Variants in DOCK2 observed in about 807,000 individuals in gnomAD.
The protein encoded by DOCK2 is dedicator of cytokinesis protein 2.
A neutral mutation model predicts 248.9 loss-of-function variants in DOCK2; 87 were observed. That is an observed-to-expected ratio of 0.35 (90% confidence interval 0.29 to 0.42). DOCK2 has a LOEUF of 0.42. DOCK2 is among the 10% of genes least tolerant of loss of function. The pLI, the probability that DOCK2 is intolerant of heterozygous loss-of-function variation, is 1.00. For synonymous variants in DOCK2, 805 were observed against 821.6 expected, an observed-to-expected ratio of 0.98 and a Z score of 0.35; for missense variants, 1,747 against 2,300.2, an observed-to-expected ratio of 0.76 and a Z score of 4.92.
At chr5:170,022,800 C>T (rs1322194064) in intron 33 of DOCK2, among the ~76,000 whole-genome samples, 2 of 152,156 alleles carry the variant, frequency 1.3e-5, no homozygotes, top group Non-Finnish European at 2.9e-5. Context: ...GTCCTGAACT[C>T]CCAGTCCCTG....
intron 25 of DOCK2, among the ~76,000 whole-genome samples, chr5:169,768,262 AG>A (rs1399946252): frequency 6.6e-6 from 1 of 152,252 alleles, no homozygotes; most frequent in Non-Finnish European, 1.5e-5. Flanking sequence ...ATGTAAACGA[AG>A]CACACGCACA....
At chr5:169,960,274 G>T (rs1045250053) in intron 27 of DOCK2, among the ~76,000 whole-genome samples, 1 of 152,198 alleles carries the variant, frequency 6.6e-6, no homozygotes, top group Non-Finnish European at 1.5e-5. Flanking sequence ...CTGTACATGG[G>T]TATCTTTGTT....
In DOCK2 at chr5:169,935,779, C is replaced by T. The variant is rs554247269; in HGVS notation, c.2800-47289C>T. 1.4e-4 allele frequency among the ~76,000 whole-genome samples: 22 copies of T among 152,112 alleles called. No individual in the cohort carries two copies. The South Asian group carries it at 1.7e-3, about 11-fold the overall frequency. On this transcript the variant is annotated intron_variant, in intron 27 of 51. Transcript: ENST00000520908. ...CACTGACTTCATAGGAGAAAAAACG[C>T]GTTGTGTAAAAATATAAAAAATCAG...
chr5:169,829,594 C>A (rs893911644), intron 26 of DOCK2, among the ~76,000 whole-genome samples: 1 of 152,204 alleles, frequency 6.6e-6, no homozygotes, highest in Non-Finnish European at 1.5e-5. Flanking sequence ...CGTGTAGGTA[C>A]AGAACCCAGG....
chr5:169,730,747 G>A (rs1762725999), intron 22 of DOCK2, among the ~76,000 whole-genome samples: 1 of 152,110 alleles, frequency 6.6e-6, no homozygotes, highest in East Asian at 1.9e-4. Context: ...ACTCCCTTAA[G>A]CATTTTTGTT....
At chr5:170,045,965 C>A in intron 39 of DOCK2, 60 bp downstream of exon 39, 10 of 1,526,262 alleles carry the variant, frequency 6.6e-6, no homozygotes, top group South Asian at 1.1e-5. Flanking sequence ...GGCCTCAGCT[C>A]ACCCCAGATC....
At chr5:169,859,459 G>T (rs1004868517) in intron 27 of DOCK2, among the ~76,000 whole-genome samples, 1 of 152,236 alleles carries the variant, frequency 6.6e-6, no homozygotes, top group Non-Finnish European at 1.5e-5. Context: ...ACTTTTTCTT[G>T]CAAGCAATGC....
intron 5 of DOCK2, 54 bp downstream of exon 5, chr5:169,671,228 T>C: frequency 6.4e-7 from 1 of 1,553,584 alleles, no homozygotes; most frequent in Non-Finnish European, 8.9e-7. Flanking sequence ...ATCTTCAGTT[T>C]GGTTCCAGTT....
intron 27 of DOCK2, chr5:169,883,443 C>T (rs958482509): frequency 6.4e-7 from 1 of 1,551,634 alleles, no homozygotes; most frequent in East Asian, 2.4e-5. Flanking sequence ...GCTGAGCCAA[C>T]CTTAAGTAGG....
intron 27 of DOCK2, among the ~76,000 whole-genome samples, chr5:169,849,474 C>T (rs1279116517): frequency 2.0e-5 from 3 of 152,326 alleles, no homozygotes; most frequent in East Asian, 3.9e-4. Flanking sequence ...AATAATTGAG[C>T]ACTTTGAACT....
intron 25 of DOCK2, among the ~76,000 whole-genome samples, chr5:169,787,345 T>A (rs1189413753): frequency 6.6e-6 from 1 of 152,200 alleles, no homozygotes; most frequent in Non-Finnish European, 1.5e-5. Context: ...AGCAGAGTCT[T>A]TGAGGGAAAA....
chr5:170,015,560 A>AG (rs1755493009), intron 32 of DOCK2, among the ~76,000 whole-genome samples: 1 of 111,172 alleles, frequency 9.0e-6, no homozygotes, highest in South Asian at 3.1e-4. Context: ...AACTGATTTT[A>AG]GGTTTTTTTT....
intron 36 of DOCK2, among the ~76,000 whole-genome samples, chr5:170,037,718 T>C (rs1042618647): frequency 2.6e-5 from 4 of 152,072 alleles, no homozygotes; most frequent in Non-Finnish European, 5.9e-5. Context: ...ACTCCCAACC[T>C]CAGGTGATCC....
At chr5:169,806,298 C>G (rs780315199) in intron 26 of DOCK2, among the ~76,000 whole-genome samples, 45 of 108,644 alleles carry the variant, frequency 4.1e-4, no homozygotes, top group Non-Finnish European at 7.5e-4. Flanking sequence ...AGCCACCACA[C>G]TTGGTTAATT....
intron 25 of DOCK2, among the ~76,000 whole-genome samples, chr5:169,786,741 C>T (rs1203192989): frequency 6.6e-6 from 1 of 152,146 alleles, no homozygotes; most frequent in Non-Finnish European, 1.5e-5. Context: ...TCAAGACTTA[C>T]TGTCTGTTTT....
At chr5:169,698,256 C>G in intron 10 of DOCK2, 118 bp from the exon 11 acceptor site, 5 of 954,992 alleles carry the variant, frequency 5.2e-6, no homozygotes, top group South Asian at 1.5e-5. Flanking sequence ...CCATTTTAGG[C>G]CTTCCTGACC....
At chr5:169,716,337 G>T in intron 20 of DOCK2, 35 bp downstream of exon 20, 1 of 1,599,622 alleles carries the variant, frequency 6.3e-7, no homozygotes, top group Non-Finnish European at 8.6e-7. Flanking sequence ...AGTGACAACA[G>T]GCATTAATGT....
rs76549861 is a variant in DOCK2 at position 169,762,129 on chromosome 5, A to G, written c.2554+504A>G. Among the ~76,000 whole-genome samples, 205 of 152,348 alleles carry G rather than the reference A, an allele frequency of 1.3e-3. 4 individuals are homozygous for G. The East Asian group carries it at 0.029, about 22-fold the overall frequency. On this transcript the variant is annotated intron_variant, in intron 25 of 51. Transcript: ENST00000520908. ...AGGTAACGCATTTACATGGATGAAA[A>G]TGAAAAGGTATGAAAGGGTACCATG...
intron 14 of DOCK2, among the ~76,000 whole-genome samples, chr5:169,703,552 T>C (rs945864790): frequency 1.3e-5 from 2 of 152,232 alleles, no homozygotes; most frequent in Non-Finnish European, 2.9e-5. Flanking sequence ...TTATTTCTCA[T>C]TTTAAAAAAT....
Sources: gnomAD v4.1 joint callset for allele counts (sites outside exome capture counted in the v4.1 genomes callset) on GRCh38, gnomAD v4.1.1 for gene constraint, MANE v1.5 for transcripts, NCBI Gene and HGNC (gene_info 2026-07-23, HGNC 2026-07-21) for gene names.